Variants in PRCP observed in about 807,000 individuals in gnomAD.
The protein encoded by PRCP is prolylcarboxypeptidase, also known as lysosomal Pro-X carboxypeptidase.
PRCP carries 46 observed loss-of-function variants against 54.2 expected under a neutral mutation model. The observed-to-expected ratio is 0.85, with a 90% CI of 0.67 to 1.09. PRCP has a LOEUF of 1.09. PRCP is among the 50% of genes least tolerant of loss of function. The pLI, the probability that PRCP is intolerant of heterozygous loss-of-function variation, is 0.00. For missense variants in PRCP, 613 were observed against 596.8 expected, an observed-to-expected ratio of 1.03 and a Z score of -0.28; for synonymous variants, 240 against 212.2, an observed-to-expected ratio of 1.13 and a Z score of -1.14.
intron 1 of PRCP, among the ~76,000 whole-genome samples, chr11:82,870,339 A>T (rs1859449542): frequency 6.6e-6 from 1 of 152,200 alleles, no homozygotes; most frequent in African/African-American, 2.4e-5. Context: ...CTAGGACAAA[A>T]AGTAATTGGA....
chr11:82,856,729 A>G (rs1235716070), intron 2 of PRCP, among the ~76,000 whole-genome samples: 12 of 152,162 alleles, frequency 7.9e-5, no homozygotes, highest in African/African-American at 2.9e-4. Flanking sequence ...AACAAATTAA[A>G]TAAAAATAAA....
At chr11:82,875,673 C>G (rs754037229) in intron 1 of PRCP, among the ~76,000 whole-genome samples, 3 of 152,052 alleles carry the variant, frequency 2.0e-5, no homozygotes, top group South Asian at 2.1e-4. Context: ...CCAGAGGAGA[C>G]AAGCAAGCAA....
intron 1 of PRCP, among the ~76,000 whole-genome samples, chr11:82,882,315 A>G (rs1332167973): frequency 6.6e-6 from 1 of 152,190 alleles, no homozygotes; most frequent in Non-Finnish European, 1.5e-5. Context: ...AAAAATTCAG[A>G]GAAGTTTTAA....
At position 82,882,557 on chromosome 11, in the gene PRCP, G is replaced by A. The variant is rs993365016; in HGVS notation, c.168+17678C>T. 4.7e-4 allele frequency among the ~76,000 whole-genome samples: 68 copies of A among 143,808 alleles called. 2 individuals carry two copies. The highest frequency in any genetic ancestry group is 2.2e-3 in the East Asian group (11 of 5,010). The allele number at this position is 143,808 out of a possible 152,430, so 94.3% of individuals were successfully genotyped here. A position where few individuals can be genotyped will look rare whatever the true frequency, so the allele number is the denominator to read the frequency against. On this transcript the variant is annotated intron_variant, in intron 1 of 8. Coordinates refer to ENST00000313010, the MANE Select transcript of PRCP (RefSeq NM_005040.4). The stretch of plus-strand genomic sequence containing the variant: ...GTCGCCCAGGCTGGAGTGCAGTGGC[G>A]CAATCTCGGCTCACTGCAAGCTCCG...
intron 1 of PRCP, among the ~76,000 whole-genome samples, chr11:82,880,540 A>T (rs748290421): frequency 2.5e-4 from 38 of 152,286 alleles, no homozygotes; most frequent in South Asian, 4.1e-4. Flanking sequence ...ACTGTCTGAC[A>T]AGCTCCAGTG....
intron 7 of PRCP, 98 bp downstream of exon 7, chr11:82,839,163 A>T: frequency 1.5e-6 from 2 of 1,298,792 alleles, no homozygotes; most frequent in Non-Finnish European, 2.1e-6. Flanking sequence ...AACTGGATCC[A>T]GGTTAGGTGA....
chr11:82,848,986 G>A (rs1858877443), intron 6 of PRCP, 63 bp downstream of exon 6: 1 of 1,514,470 alleles, frequency 6.6e-7, no homozygotes, highest in Non-Finnish European at 9.0e-7. Context: ...CAGAAAGTCA[G>A]AGTATGCACA....
rs573577661 is a variant in PRCP, at chr11:82,838,500, T to C, written c.1161A>G (p.Leu387=). 1.2e-4 allele frequency: 197 copies of C among 1,614,124 alleles called. 3 individuals are homozygous for C. In the South Asian group the frequency reaches 2.1e-3, roughly 17 times the overall value. The change falls in exon 8 of 9, where the codon TTA becomes TTG. Residue 387 remains leucine (L), a synonymous_variant. Transcript: ENST00000313010. ...DDMFEPHSWN[L]KELSDDCFQQ... ...GAAAACAGTCATCAGAAAGTTCCTT[T>C]AAGTTCCATGAGTGAGGTTCAAACA...
At chr11:82,843,190 T>A (rs3793982) in intron 6 of PRCP, 22,201 of 152,144 alleles carry the variant, frequency 0.15, 1,703 homozygotes, top group Middle Eastern at 0.2. Flanking sequence ...GTGCCTATAG[T>A]CTCAGCTACT....
intron 1 of PRCP, among the ~76,000 whole-genome samples, chr11:82,877,468 C>T (rs957569625): frequency 4.6e-5 from 7 of 152,236 alleles, no homozygotes; most frequent in African/African-American, 1.2e-4. Context: ...AAAGTGGTTA[C>T]GTGGGCTGAG....
At chr11:82,866,060 G>A (rs550427983) in intron 1 of PRCP, among the ~76,000 whole-genome samples, 1 of 152,148 alleles carries the variant, frequency 6.6e-6, no homozygotes, top group Non-Finnish European at 1.5e-5. Context: ...TCAGATCTCT[G>A]GCTCTTGGAT....
Position 82,851,483 on chromosome 11 carries a change from T to C in PRCP, c.412-978A>G, listed in dbSNP as rs1338031673. ...CATCCAGCACCAGTTTTATCTCGTA[T>C]GTGAGTAATCCTCCATATGAGAGGC... On this transcript the variant is annotated intron_variant, in intron 3 of 8. Coordinates refer to ENST00000313010, the MANE Select transcript of PRCP (RefSeq NM_005040.4). 2.0e-5 allele frequency among the ~76,000 whole-genome samples: 3 copies of C among 149,602 alleles called. No homozygotes were observed. In the East Asian group the frequency reaches 5.9e-4, roughly 29 times the overall value.
In PRCP at chr11:82,839,400, G is replaced by A; in HGVS notation, c.947C>T (p.Pro316Leu). 6.2e-7 allele frequency: 1 copy of A among 1,612,580 alleles called. No individual in the cohort carries two copies. The highest frequency in any genetic ancestry group is 8.5e-7 in the Non-Finnish European group (1 of 1,179,278). Residue 316 changes from proline to leucine, a missense_variant, in exon 7 of 9, where the codon CCC becomes CTC. By Grantham distance (98) the Pro-to-Leu change is moderately conservative. Transcript: ENST00000313010. ...CAGCAGCAGTGAATCAGATACATTG[G>A]GATTTTTCAAATACTGGCACACTAC... is the stretch of plus-strand genomic sequence containing the variant. ...IKVVCQYLKN[P>L]NVSDSLLLQN...
chr11:82,898,418 TCTG>T, intron 1 of PRCP, among the ~76,000 whole-genome samples: 2 of 152,338 alleles, frequency 1.3e-5, no homozygotes, highest in East Asian at 3.9e-4. Flanking sequence ...CTTCCTCTTT[TCTG>T]CTGATAGTTC....
upstream of PRCP, chr11:82,901,089 C>A (rs920537019): frequency 5.5e-6 from 2 of 363,198 alleles, no homozygotes. Flanking sequence ...TCGCAGACCG[C>A]TGGGTCCAGG....
At chr11:82,841,507 T>A (rs1162464617) in intron 6 of PRCP, among the ~76,000 whole-genome samples, 1 of 152,190 alleles carries the variant, frequency 6.6e-6, no homozygotes, top group Non-Finnish European at 1.5e-5. Context: ...TTTAACATGC[T>A]CAAATGTAAT....
chr11:82,864,915 G>A (rs1207218222), intron 1 of PRCP, among the ~76,000 whole-genome samples: 1 of 151,572 alleles, frequency 6.6e-6, no homozygotes, highest in Admixed American at 6.6e-5. Flanking sequence ...TTCGCATCCA[G>A]AAAAATCAGT....
intron 1 of PRCP, among the ~76,000 whole-genome samples, chr11:82,868,458 C>T (rs907172265): frequency 2.0e-5 from 3 of 152,102 alleles, no homozygotes; most frequent in Admixed American, 1.3e-4. Context: ...TGCTAGTAAA[C>T]AACCAAGCAG....
In PRCP at chr11:82,850,020, A is replaced by G; in HGVS notation, c.645T>C (p.Cys215=). 4 of 1,540,954 alleles carry G rather than the reference A, an allele frequency of 2.6e-6. No homozygotes were observed. The highest frequency in any genetic ancestry group is 1.3e-5 in the South Asian group (1 of 79,060). ...TAGTTACGATCTTCATAAATACACC[A>G]CAAGGTACTAAATCCTCAAACTGCC... ...PIWQFEDLVP[C]GVFMKIVTTD... is the part of the protein sequence containing the mutation. Residue 215 remains cysteine, a synonymous_variant, in exon 5 of 9, where the codon TGT becomes TGC. Transcript: ENST00000313010.
Sources: allele counts gnomAD v4.1 joint callset (sites outside exome capture counted in the v4.1 genomes callset), GRCh38; gene constraint gnomAD v4.1.1; transcripts MANE v1.5; gene names NCBI Gene and HGNC (gene_info 2026-07-23, HGNC 2026-07-21).